ECI2: variants seen among roughly 807,000 people sequenced by gnomAD.
The protein encoded by ECI2 is D3,D2-enoyl-CoA isomerase.
Under a neutral mutation model 38.4 loss-of-function variants are expected in ECI2, and 27 were observed. The ratio of observed to expected loss-of-function variants is 0.70; its 90% CI spans 0.52 to 0.97. The LOEUF (loss-of-function observed/expected upper bound fraction) is 0.97, where lower values mean the gene tolerates loss of function less well. Ranked by LOEUF, ECI2 falls within the 50% of genes least tolerant of loss-of-function variation. The pLI is 0.00. For synonymous variants in ECI2, 168 were observed against 172.0 expected, an observed-to-expected ratio of 0.98 and a Z score of 0.18; for missense variants, 470 against 474.4, an observed-to-expected ratio of 0.99 and a Z score of 0.09.
In ECI2 at chr6:4,130,854, T is replaced by A. The variant is rs201337545; in HGVS notation, c.225A>T (p.Gly75=). ...LYALYKQATE[G]PCNMPKPGVF... is the part of the protein sequence containing the mutation. The stretch of plus-strand genomic sequence containing the variant: ...CACCTGGTTTGGGCATGTTACAAGG[T>A]CCTTCAGTGGCCTGTGAAAAGGAGA... Residue 75 remains glycine, a synonymous_variant, in exon 3 of 10, where the codon GGA becomes GGT. Coordinates refer to ENST00000380118, the MANE Select transcript of ECI2 (RefSeq NM_206836.3). 6.2e-7 allele frequency: 1 copy of A among 1,614,142 alleles called. No homozygotes were observed. Among genetic ancestry groups the A allele is most frequent in the Non-Finnish European group, 8.5e-7 (1 of 1,180,014 alleles).
chr6:4,119,215 T>A lies in ECI2; in HGVS notation c.856A>T (p.Thr286Ser). The change falls in exon 8 of 10, where the codon ACT (threonine) becomes TCT (serine). Residue 286 changes from threonine (T) to serine (S), a missense_variant. By Grantham distance (58) the Thr-to-Ser change is moderately conservative. Coordinates refer to ENST00000380118, the MANE Select transcript of ECI2 (RefSeq NM_206836.3). ...GCTGGGCTCATTATCTTCGGAAAAG[T>A]GTAAGAGGAGCATCCTTCCGGACTT... ...GQSPEGCSSY[T>S]FPKIMSPAKA... 6.2e-7 allele frequency: 1 copy of A among 1,613,818 alleles called. No individual in the cohort carries two copies.
intron 7 of ECI2, among the ~76,000 whole-genome samples, chr6:4,123,338 G>C (rs909979285): frequency 6.6e-6 from 1 of 151,460 alleles, no homozygotes; most frequent in Admixed American, 6.6e-5. Context: ...CACCAAGCCC[G>C]GCTAATTTTT....
At chr6:4,135,339 C>T in intron 1 of ECI2, 172 bp downstream of exon 1, 2 of 1,470,508 alleles carry the variant, frequency 1.4e-6, no homozygotes, top group Non-Finnish European at 1.8e-6. Context: ...TGCAGGAGGG[C>T]GCGCGTGAGG....
intron 2 of ECI2, 59 bp from the exon 3 acceptor site, chr6:4,130,924 T>G (rs1339750225): frequency 4.6e-5 from 70 of 1,510,584 alleles, no homozygotes; most frequent in Non-Finnish European, 6.4e-5. Flanking sequence ...CCCCTAAATA[T>G]TTAAGATCCA....
intron 7 of ECI2, among the ~76,000 whole-genome samples, chr6:4,120,870 A>T (rs1772695196): frequency 6.6e-6 from 1 of 152,230 alleles, no homozygotes; most frequent in Admixed American, 6.5e-5. Context: ...CTGAAAAAAA[A>T]TTTAAAAATA....
intron 1 of ECI2, 183 bp downstream of exon 1, chr6:4,135,328 G>A (rs752891138): frequency 2.1e-6 from 3 of 1,462,820 alleles, no homozygotes; most frequent in Admixed American, 2.3e-5. Flanking sequence ...GGGCCCAGCG[G>A]TGCAGGAGGG....
intron 8 of ECI2, chr6:4,118,007 T>G (rs953950412): frequency 1.8e-4 from 28 of 152,274 alleles, no homozygotes; most frequent in African/African-American, 6.8e-4. Context: ...CTCTCTCCAT[T>G]TGCAATTTCT....
chr6:4,130,769 T>G lies in ECI2; in HGVS notation c.310A>C (p.Lys104Gln), dbSNP rs968378614. The G allele has an allele frequency of 6.8e-6, 11 of 1,613,974 alleles. No individual in the cohort carries two copies. The highest frequency in any genetic ancestry group is 1.3e-5 in the African/African-American group (1 of 74,934). Residue 104 changes from lysine (K) to glutamine (Q), a missense_variant and splice_region_variant, in exon 3 of 10, where the codon AAG (lysine) becomes CAG (glutamine). By Grantham distance (53) the Lys-to-Gln change is moderately conservative. Coordinates refer to ENST00000380118, the MANE Select transcript of ECI2 (RefSeq NM_206836.3). ...AGCACAGTAACTAGTAAACTCACCTTGGGCAGGCTGCCAAGGGCATTCCAT... is the reference window on the plus strand; with the variant it reads ...AGCACAGTAACTAGTAAACTCACCTGGGGCAGGCTGCCAAGGGCATTCCAT... ...DAWNALGSLP[K>Q]EAARQNYVDL...
At chr6:4,130,306 C>T in intron 4 of ECI2, 66 bp downstream of exon 4, 2 of 1,613,760 alleles carry the variant, frequency 1.2e-6, no homozygotes, top group Non-Finnish European at 1.7e-6. Flanking sequence ...AACTCTACAG[C>T]TTTTGTGTGA....
intron 5 of ECI2, 58 bp downstream of exon 5, chr6:4,127,704 C>A (rs1773261473): frequency 1.3e-6 from 2 of 1,557,746 alleles, no homozygotes. Context: ...AATTTCCTAT[C>A]TATTAAGAGG....
At chr6:4,134,784 A>C (rs1773648810) in intron 1 of ECI2, among the ~76,000 whole-genome samples, 1 of 152,216 alleles carries the variant, frequency 6.6e-6, no homozygotes, top group African/African-American at 2.4e-5. Context: ...TAAAATATCC[A>C]CAGAAAGCCG....
Position 4,130,482 on chromosome 6 carries a change from C to A in ECI2, c.391G>T (p.Gly131Ter). The change falls in exon 4 of 10, where the codon GGA becomes TGA. Residue 131 changes from glycine (G) to a stop codon, truncating the protein, a stop_gained. Transcript: ENST00000380118. LOFTEE classifies it high-confidence loss of function. ...AACCCAGTTGATTTCCTGTCTGTTC[C>A]AGGCTCCACCTGACTAGAGGATTCC... is the stretch of plus-strand genomic sequence containing the variant. Reference protein sequence around the residue: ...SLESSSQVEPGTDRKSTGFET... With the variant: ...SLESSSQVEP The A allele has an allele frequency of 6.2e-7, 1 of 1,614,226 alleles. No individual in the cohort carries two copies. Among genetic ancestry groups the A allele is most frequent in the Non-Finnish European group, 8.5e-7 (1 of 1,180,046 alleles).
At chr6:4,120,494 A>G (rs1772649369) in intron 7 of ECI2, among the ~76,000 whole-genome samples, 1 of 152,198 alleles carries the variant, frequency 6.6e-6, no homozygotes, top group Admixed American at 6.5e-5. Context: ...TGGGAGGCAG[A>G]GGTGGGCAAA....
chr6:4,127,872 C>G (rs370966828), intron 4 of ECI2, 41 bp from the exon 5 acceptor site: 2 of 1,572,136 alleles, frequency 1.3e-6, no homozygotes, highest in African/African-American at 2.7e-5. Flanking sequence ...GAACTCTGAA[C>G]ACAGGAATCA....
intron 6 of ECI2, chr6:4,125,587 T>G: frequency 3.3e-6 from 2 of 612,474 alleles, no homozygotes; most frequent in East Asian, 3.0e-5. Context: ...GACCAACCAG[T>G]GAGACCTATG....
At position 4,117,384 on chromosome 6, in the gene ECI2, G is replaced by C. The variant is rs749297618; in HGVS notation, c.953C>G (p.Thr318Ser). The change falls in exon 9 of 10, where the codon ACT becomes AGT. Residue 318 changes from threonine to serine, a missense_variant. Thr to Ser is a moderately conservative substitution (Grantham distance 58). Transcript: ENST00000380118. ...AAAAGTGCTATCAGGGAAAACTTCAGTAACAAGTCCTTGAGCACATGCCTC... is the reference window on the plus strand; with the variant it reads ...AAAAGTGCTATCAGGGAAAACTTCACTAACAAGTCCTTGAGCACATGCCTC... ...AGEACAQGLV[T>S]EVFPDSTFQK... The C allele has an allele frequency of 3.2e-5, 52 of 1,613,954 alleles. No individual in the cohort carries two copies. The highest frequency in any genetic ancestry group is 4.1e-5 in the Non-Finnish European group (48 of 1,179,980).
intron 7 of ECI2, among the ~76,000 whole-genome samples, 158 bp from the exon 8 acceptor site, chr6:4,119,433 G>GC (rs148392011): frequency 1.9e-3 from 287 of 151,732 alleles, no homozygotes; most frequent in African/African-American, 6.5e-3. Context: ...CGATTCTCCT[G>GC]CCTCAGCCTC....
At chr6:4,117,627 G>C in intron 8 of ECI2, 176 bp from the exon 9 acceptor site, 1 of 769,732 alleles carries the variant, frequency 1.3e-6, no homozygotes, top group South Asian at 2.3e-5. Flanking sequence ...ACTGTGTGCT[G>C]AGACAGGCTC....
intron 7 of ECI2, chr6:4,122,085 T>C: frequency 7.8e-7 from 1 of 1,286,506 alleles, no homozygotes; most frequent in South Asian, 1.3e-5. Flanking sequence ...TTTAAAATGC[T>C]GATTTTCAGA....
Sources: allele counts gnomAD v4.1 joint callset (sites outside exome capture counted in the v4.1 genomes callset), GRCh38; gene constraint gnomAD v4.1.1; transcripts MANE v1.5; gene names NCBI Gene and HGNC (gene_info 2026-07-23, HGNC 2026-07-21).